The following MARCHF7 variants were observed in gnomAD, a reference collection of about 807,000 sequenced individuals.
The protein encoded by MARCHF7 is membrane associated ring-CH-type finger 7.
Under a neutral mutation model 76.5 loss-of-function variants are expected in MARCHF7, and 20 were observed. The observed-to-expected ratio is 0.26, with a 90% CI of 0.18 to 0.38. MARCHF7 has a LOEUF of 0.38. Ranked by LOEUF, MARCHF7 falls within the 10% of genes least tolerant of loss-of-function variation. The pLI is 1.00. For missense variants in MARCHF7, 797 were observed against 812.9 expected, an observed-to-expected ratio of 0.98 and a Z score of 0.24; for synonymous variants, 295 against 293.0, an observed-to-expected ratio of 1.01 and a Z score of -0.07.
chr2:159,753,490 G>T (rs1334064864), intron 8 of MARCHF7, among the ~76,000 whole-genome samples: 1 of 151,920 alleles, frequency 6.6e-6, no homozygotes, highest in African/African-American at 2.4e-5. Context: ...GGCGGAGCTT[G>T]CAGTGAGCCG....
chr2:159,733,309 C>T, intron 4 of MARCHF7: 1 of 593,270 alleles, frequency 1.7e-6, no homozygotes, highest in African/African-American at 2.0e-5. Flanking sequence ...ACAATCTCAG[C>T]TCACTGAAGC....
chr2:159,713,049 G>A (rs1700434714), intron 1 of MARCHF7, among the ~76,000 whole-genome samples: 1 of 152,230 alleles, frequency 6.6e-6, no homozygotes, highest in Admixed American at 6.5e-5. Flanking sequence ...TGAGCGCGGG[G>A]CAAAGGCGGG....
At chr2:159,765,234 A>G (rs543664515) in intron 11 of MARCHF7, among the ~76,000 whole-genome samples, 3 of 151,192 alleles carry the variant, frequency 2.0e-5, no homozygotes, top group Non-Finnish European at 2.9e-5. Context: ...GTAGGTCCTC[A>G]TGGACCTTTA....
chr2:159,730,250 A>G lies in MARCHF7; in HGVS notation c.153+1075A>G, dbSNP rs529629543. 2.0e-5 allele frequency among the ~76,000 whole-genome samples: 3 copies of G among 152,320 alleles called. No homozygotes were observed. In the East Asian group the frequency reaches 5.8e-4, roughly 29 times the overall value. On this transcript the variant is annotated intron_variant, in intron 4 of 11. Coordinates refer to ENST00000409175, the MANE Select transcript of MARCHF7 (RefSeq NM_001282805.2). Reference sequence around the variant, plus strand: ...TTATCATTGTAGCAAATTTAAGCTCATTGCATTTTTGGCTGAATGTTATAA... The same window carrying G: ...TTATCATTGTAGCAAATTTAAGCTCGTTGCATTTTTGGCTGAATGTTATAA...
chr2:159,713,130 T>G (rs1195084741), intron 1 of MARCHF7, among the ~76,000 whole-genome samples: 1 of 152,196 alleles, frequency 6.6e-6, no homozygotes, highest in Non-Finnish European at 1.5e-5. Context: ...TCGGCCAAGA[T>G]TGTCTTATTG....
chr2:159,746,802 T>C (rs927562095), intron 6 of MARCHF7, among the ~76,000 whole-genome samples: 1 of 152,254 alleles, frequency 6.6e-6, no homozygotes, highest in African/African-American at 2.4e-5. Context: ...AAATGGAGTT[T>C]GATTTACATA....
intron 4 of MARCHF7, among the ~76,000 whole-genome samples, chr2:159,731,458 A>G (rs1207598837): frequency 2.6e-5 from 4 of 152,176 alleles, no homozygotes; most frequent in Admixed American, 6.5e-5. Context: ...AGATTATTCA[A>G]AAAAGTTCAT....
rs1574450442 is a variant in MARCHF7 at position 159,762,815 on chromosome 2, T to C, written c.1894-65T>C. On this transcript the variant is annotated intron_variant, in intron 9 of 11. Coordinates refer to ENST00000409175, the MANE Select transcript of MARCHF7 (RefSeq NM_001282805.2). The stretch of plus-strand genomic sequence containing the variant: ...TTTATCAGTGTACTGTGAGTATCAA[T>C]CTCAATTCTACTAATTTTTCATTCT... 3 of 932,384 alleles carry C rather than the reference T, an allele frequency of 3.2e-6. No homozygotes were observed. The East Asian group carries it at 7.6e-5, about 24-fold the overall frequency. The allele number at this position is 932,384 out of a possible 1,614,324, so 57.8% of individuals were successfully genotyped here. A position where few individuals can be genotyped will look rare whatever the true frequency, so the allele number is the denominator to read the frequency against.
At chr2:159,746,815 A>G (rs576995840) in intron 6 of MARCHF7, among the ~76,000 whole-genome samples, 5 of 152,374 alleles carry the variant, frequency 3.3e-5, no homozygotes, top group African/African-American at 9.6e-5. Context: ...TTTACATAGT[A>G]GGAAATAATG....
At chr2:159,729,258 G>T in intron 4 of MARCHF7, 83 bp downstream of exon 4, 2 of 1,008,558 alleles carry the variant, frequency 2.0e-6, no homozygotes, top group Non-Finnish European at 2.7e-6. Context: ...TAAAAAATGT[G>T]TTAGCTGGAT....
At chr2:159,755,366 G>A (rs1252838515) in intron 8 of MARCHF7, among the ~76,000 whole-genome samples, 2 of 152,134 alleles carry the variant, frequency 1.3e-5, no homozygotes, top group African/African-American at 4.8e-5. Flanking sequence ...CAGTGGGTCT[G>A]GTCTTGGATG....
chr2:159,730,413 C>T (rs917617870), intron 4 of MARCHF7, among the ~76,000 whole-genome samples: 2 of 152,128 alleles, frequency 1.3e-5, no homozygotes, highest in African/African-American at 4.8e-5. Flanking sequence ...TGTTCGTACA[C>T]AGTAGTAAGC....
At chr2:159,762,442 T>TA (rs1442512045) in intron 9 of MARCHF7, among the ~76,000 whole-genome samples, 12 of 152,262 alleles carry the variant, frequency 7.9e-5, no homozygotes, top group Non-Finnish European at 1.6e-4. Flanking sequence ...TTCTTTTATT[T>TA]ATGCCTTTAT....
intron 3 of MARCHF7, among the ~76,000 whole-genome samples, chr2:159,719,059 T>C (rs1021536737): frequency 7.9e-5 from 12 of 152,056 alleles, no homozygotes; most frequent in Non-Finnish European, 1.5e-4. Flanking sequence ...ACCACAACCT[T>C]CACCTCCCCA....
chr2:159,757,936 T>C lies in MARCHF7; in HGVS notation c.1784-1290T>C, dbSNP rs1014020616. Among the ~76,000 whole-genome samples the C allele has an allele frequency of 5.9e-5, 9 of 152,220 alleles. 1 individual carries two copies. The highest frequency in any genetic ancestry group is 4.6e-4 in the Admixed American group (7 of 15,278). ...TTAGCACTCACTTTCAGCTGTTTTC[T>C]AGAAAATGTACATAAGTTACTGCTG... On this transcript the variant is annotated intron_variant, in intron 8 of 11. Coordinates refer to ENST00000409175, the MANE Select transcript of MARCHF7 (RefSeq NM_001282805.2).
chr2:159,731,765 T>A (rs1433058506), intron 4 of MARCHF7, among the ~76,000 whole-genome samples: 4 of 149,370 alleles, frequency 2.7e-5, no homozygotes, highest in Non-Finnish European at 5.9e-5. Flanking sequence ...AAAAAAAAAA[T>A]TCCATTTCTT....
intron 3 of MARCHF7, among the ~76,000 whole-genome samples, chr2:159,728,187 T>A (rs1025781349): frequency 2.0e-5 from 3 of 152,232 alleles, no homozygotes; most frequent in African/African-American, 2.4e-5. Context: ...GTGGAGATAA[T>A]ATAGTACCTG....
intron 4 of MARCHF7, 150 bp from the exon 5 acceptor site, chr2:159,742,911 T>C: frequency 1.5e-6 from 1 of 663,458 alleles, no homozygotes; most frequent in Non-Finnish European, 2.4e-6. Context: ...CACTCCAGCT[T>C]GGGCAACAGA....
chr2:159,764,234 G>A (rs1224761172), intron 10 of MARCHF7, among the ~76,000 whole-genome samples: 1 of 146,998 alleles, frequency 6.8e-6, no homozygotes, highest in Admixed American at 6.7e-5. Context: ...GTGTGTGTGT[G>A]TGTGTGTGTG....
Sources: gnomAD v4.1 joint callset for allele counts (sites outside exome capture counted in the v4.1 genomes callset) on GRCh38, gnomAD v4.1.1 for gene constraint, MANE v1.5 for transcripts, NCBI Gene and HGNC (gene_info 2026-07-23, HGNC 2026-07-21) for gene names.